ARHGEF11: variants seen among roughly 807,000 people sequenced by gnomAD.
The protein encoded by ARHGEF11 is Rho guanine exchange factor (GEF) 11.
In ARHGEF11, 55 loss-of-function variants were observed where a neutral mutation model predicts 193.7. That is an observed-to-expected ratio of 0.28 (90% CI 0.23 to 0.36). The LOEUF (loss-of-function observed/expected upper bound fraction) is 0.36. Ranked by LOEUF, ARHGEF11 falls within the 10% of genes least tolerant of loss-of-function variation. ARHGEF11 has a pLI of 1.00. For synonymous variants in ARHGEF11, 693 were observed against 768.0 expected, an observed-to-expected ratio of 0.90 and a Z score of 1.62; for missense variants, 1,723 against 2,005.6, an observed-to-expected ratio of 0.86 and a Z score of 2.69.
At chr1:157,035,882 AATATATATAGGAAT>A (rs1365878601) in intron 1 of ARHGEF11, among the ~76,000 whole-genome samples, 2 of 139,382 alleles carry the variant, frequency 1.4e-5, no homozygotes, top group African/African-American at 2.6e-5. Context: ...TATATATAGG[AATATATATAGGAAT>A]ATATATATAT....
intron 1 of ARHGEF11, among the ~76,000 whole-genome samples, chr1:156,989,364 A>G (rs1197457181): frequency 6.6e-6 from 1 of 151,898 alleles, no homozygotes; most frequent in Non-Finnish European, 1.5e-5. Flanking sequence ...ACTGAAAAAA[A>G]CCTCTTTTCC....
intron 29 of ARHGEF11, chr1:156,945,431 G>A: frequency 1.9e-6 from 1 of 538,512 alleles, no homozygotes; most frequent in African/African-American, 1.9e-5. Context: ...TAGCTCCTGG[G>A]AATCCCTGCC....
upstream of ARHGEF11, among the ~76,000 whole-genome samples, chr1:157,046,014 T>G (rs1295451988): frequency 1.3e-5 from 2 of 150,538 alleles, no homozygotes; most frequent in Admixed American, 6.6e-5. Context: ...CGGCCGCGAC[T>G]CCCGCCGACC....
intron 19 of ARHGEF11, 24 bp downstream of exon 19, chr1:156,956,396 T>A (rs1392234033): frequency 6.2e-7 from 1 of 1,613,508 alleles, no homozygotes. Context: ...ATTACAGGCA[T>A]GAGCCACCAT....
At chr1:157,036,098 T>C (rs989931998) in intron 1 of ARHGEF11, among the ~76,000 whole-genome samples, 1 of 143,408 alleles carries the variant, frequency 7.0e-6, no homozygotes, top group African/African-American at 2.6e-5. Flanking sequence ...TGAAAATACA[T>C]ATATGAATAT....
Position 156,936,922 on chromosome 1 carries a change from G to A in ARHGEF11, c.4524C>T (p.His1508=). Residue 1508 remains histidine, a synonymous_variant, in exon 40 of 41, where the codon CAC becomes CAT. Coordinates refer to ENST00000368194, the MANE Select transcript of ARHGEF11 (RefSeq NM_198236.3). ...SGGTTPVGSF[H]TEAARWTDGS... ...CATCTGTCCATCTAGCTGCTTCTGT[G>A]TGGAAACTGCCCACAGGCGTGGTGC... 1 of 1,614,144 alleles carries A rather than the reference G, an allele frequency of 6.2e-7. No homozygotes were observed. Among genetic ancestry groups the A allele is most frequent in the Non-Finnish European group, 8.5e-7 (1 of 1,180,030 alleles).
intron 7 of ARHGEF11, among the ~76,000 whole-genome samples, chr1:156,972,432 T>C (rs1662618438): frequency 6.6e-6 from 1 of 152,224 alleles, no homozygotes; most frequent in Non-Finnish European, 1.5e-5. Context: ...GAGATGACAA[T>C]ACCCGCCTCA....
intron 7 of ARHGEF11, among the ~76,000 whole-genome samples, 167 bp from the exon 8 acceptor site, chr1:156,971,983 G>A (rs1422214604): frequency 6.6e-6 from 1 of 152,102 alleles, no homozygotes; most frequent in Non-Finnish European, 1.5e-5. Flanking sequence ...CATCATTCAG[G>A]ATCAGAAAAA....
chr1:157,044,020 T>C (rs1159862862), intron 1 of ARHGEF11, among the ~76,000 whole-genome samples: 2 of 152,146 alleles, frequency 1.3e-5, no homozygotes, highest in Non-Finnish European at 2.9e-5. Context: ...ATTCAGCCTC[T>C]ACCCTGGCAA....
intron 1 of ARHGEF11, among the ~76,000 whole-genome samples, chr1:157,009,460 T>C (rs1668290924): frequency 6.6e-6 from 1 of 152,224 alleles, no homozygotes; most frequent in Middle Eastern, 3.4e-3. Flanking sequence ...AATGTACAAA[T>C]AAGAGAAGTT....
At chr1:157,007,878 G>A (rs1571469783) in intron 1 of ARHGEF11, among the ~76,000 whole-genome samples, 1 of 145,638 alleles carries the variant, frequency 6.9e-6, no homozygotes, top group Non-Finnish European at 1.5e-5. Context: ...AGAATGTAAT[G>A]TAAGCTCCAA....
chr1:156,939,495 T>C (rs1656315968), intron 37 of ARHGEF11, 53 bp downstream of exon 37: 7 of 1,600,392 alleles, frequency 4.4e-6, no homozygotes, highest in Non-Finnish European at 4.2e-6. Context: ...GGAAGACTTA[T>C]CTCACCTAGC....
At chr1:156,942,052 G>A (rs1397344603) in intron 33 of ARHGEF11, 63 bp from the exon 34 acceptor site, 9 of 1,610,466 alleles carry the variant, frequency 5.6e-6, no homozygotes, top group Admixed American at 5.0e-5. Flanking sequence ...GCACCACCCC[G>A]TACTGAGCCC....
intron 7 of ARHGEF11, among the ~76,000 whole-genome samples, chr1:156,975,581 G>A (rs949485877): frequency 2.0e-5 from 3 of 152,002 alleles, no homozygotes; most frequent in African/African-American, 7.2e-5. Flanking sequence ...TTTTTTTGGG[G>A]GGAGGTTATG....
chr1:156,947,027 A>G lies in ARHGEF11; in HGVS notation c.2489-12T>C, dbSNP rs527301004. ...TTCACACCAGGAATCTGGGGCAGGA[A>G]GAGAACAAATAGAAATGCCTGGGGT... On this transcript the variant is annotated splice_polypyrimidine_tract_variant and intron_variant, in intron 26 of 40. Transcript: ENST00000368194. The G allele has an allele frequency of 4.5e-5, 73 of 1,614,146 alleles. 1 individual carries two copies. In the South Asian group the frequency reaches 7.7e-4, roughly 17 times the overall value.
At position 156,976,993 on chromosome 1, in the gene ARHGEF11, T is replaced by C; in HGVS notation, c.572A>G (p.Lys191Arg). ...ILRNMLRQEEKELQRICEVYS... is the reference protein window; with the variant it reads ...ILRNMLRQEERELQRICEVYS... ...TGGCAGTGACCTTACCTGTAATTCT[T>C]TTTCTTCCTGCCTCAGCATATTCCT... Residue 191 changes from lysine to arginine, a missense_variant, in exon 7 of 41, where the codon AAA (lysine) becomes AGA (arginine). Around this residue, in one of 5 missense-constraint regions of ARHGEF11, gnomAD observed 646 missense variants for 710.7 expected, o/e 0.91. Coordinates refer to ENST00000368194, the MANE Select transcript of ARHGEF11 (RefSeq NM_198236.3). 1 of 1,614,110 alleles carries C rather than the reference T, an allele frequency of 6.2e-7. No homozygotes were observed. The highest frequency in any genetic ancestry group is 8.5e-7 in the Non-Finnish European group (1 of 1,179,960).
At chr1:156,939,210 A>G in intron 37 of ARHGEF11, 1 of 312,582 alleles carries the variant, frequency 3.2e-6, no homozygotes. Context: ...TGGGAACAGG[A>G]GATCAGTGAG....
rs751939101 is a variant in ARHGEF11 at position 156,942,005 on chromosome 1, AAC to A, written c.3327-18_3327-17del. Reference sequence around the variant, plus strand: ...CTCCATCCATCTGTTGCTCGGCAGGAACAGAGAGGACTGTAGTGAGAGCAAGA... The same window carrying A: ...CTCCATCCATCTGTTGCTCGGCAGGAAGAGAGGACTGTAGTGAGAGCAAGA... On this transcript the variant is annotated splice_polypyrimidine_tract_variant and intron_variant, in intron 33 of 40. Transcript: ENST00000368194. 5 of 1,614,054 alleles carry A rather than the reference AAC, an allele frequency of 3.1e-6. No individual in the cohort carries two copies. Among genetic ancestry groups the A allele is most frequent in the Non-Finnish European group, 4.2e-6 (5 of 1,180,026 alleles).
chr1:157,036,032 AAT>A (rs138041885), intron 1 of ARHGEF11, among the ~76,000 whole-genome samples: 20,443 of 133,390 alleles, frequency 0.15, 2,003 homozygotes, highest in East Asian at 0.31. Context: ...TATATATAGG[AAT>A]ATATATATGA....
Sources: gnomAD v4.1 joint callset for allele counts (sites outside exome capture counted in the v4.1 genomes callset) on GRCh38, gnomAD v4.1.1 for gene constraint, gnomAD v4.1.1 regional missense constraint, MANE v1.5 for transcripts, NCBI Gene and HGNC (gene_info 2026-07-23, HGNC 2026-07-21) for gene names.